Variants in MAGI2 observed in about 807,000 individuals in gnomAD.
MAGI2 encodes the protein membrane-associated guanylate kinase, WW and PDZ domain-containing protein 2.
A neutral mutation model predicts 133.3 loss-of-function variants in MAGI2; 35 were observed. The observed-to-expected ratio is 0.26, with a 90% CI of 0.20 to 0.35. The LOEUF is 0.35. Among genes scored for constraint, MAGI2 ranks in the 10% least tolerant of loss-of-function variants. MAGI2 has a pLI of 1.00. For synonymous variants in MAGI2, 729 were observed against 710.6 expected, an observed-to-expected ratio of 1.03 and a Z score of -0.41; for missense variants, 1,636 against 1,863.4, an observed-to-expected ratio of 0.88 and a Z score of 2.25.
intron 9 of MAGI2, among the ~76,000 whole-genome samples, chr7:78,268,042 T>A (rs887081034): frequency 6.6e-6 from 1 of 152,148 alleles, no homozygotes; most frequent in African/African-American, 2.4e-5. Context: ...TAAATATACA[T>A]GTAGATAGGT....
chr7:78,690,885 C>G (rs1171815626), intron 2 of MAGI2, among the ~76,000 whole-genome samples: 6 of 152,144 alleles, frequency 3.9e-5, no homozygotes, highest in Admixed American at 1.3e-4. Flanking sequence ...AATTCCTTCC[C>G]GATCTTAAAT....
At chr7:78,631,042 C>T (rs143478894) in intron 2 of MAGI2, among the ~76,000 whole-genome samples, 32 of 151,908 alleles carry the variant, frequency 2.1e-4, no homozygotes, top group Middle Eastern at 6.8e-3. Context: ...CTGAGCACAT[C>T]TGTTGGAAGC....
intron 2 of MAGI2, among the ~76,000 whole-genome samples, chr7:78,713,138 C>T (rs1467643323): frequency 2.6e-5 from 4 of 152,138 alleles, no homozygotes; most frequent in South Asian, 2.1e-4. Context: ...ATTTTATAAA[C>T]GTGAAATGTG....
intron 1 of MAGI2, 120 bp downstream of exon 1, chr7:79,452,899 TG>T: frequency 8.9e-7 from 1 of 1,123,024 alleles, no homozygotes; most frequent in Non-Finnish European, 1.2e-6. Context: ...GGGTGCTCTC[TG>T]GCCCCCACCC....
intron 3 of MAGI2, among the ~76,000 whole-genome samples, chr7:78,601,395 A>G (rs2150878827): frequency 6.6e-6 from 1 of 152,288 alleles, no homozygotes; most frequent in Non-Finnish European, 1.5e-5. Flanking sequence ...TTATTTGGTA[A>G]TCACTTGTAA....
chr7:78,681,469 T>C (rs1354871661), intron 2 of MAGI2, among the ~76,000 whole-genome samples: 5 of 152,136 alleles, frequency 3.3e-5, no homozygotes, highest in African/African-American at 1.2e-4. Flanking sequence ...ATAAAACTAA[T>C]AAACTCATTT....
At chr7:78,695,189 C>T (rs1023157553) in intron 2 of MAGI2, among the ~76,000 whole-genome samples, 4 of 152,150 alleles carry the variant, frequency 2.6e-5, no homozygotes, top group African/African-American at 9.7e-5. Context: ...CACACCACTG[C>T]ACTCCAGCCT....
intron 14 of MAGI2, chr7:78,170,412 T>C (rs1318007849): frequency 6.6e-6 from 1 of 152,236 alleles, no homozygotes; most frequent in African/African-American, 2.4e-5. Flanking sequence ...AAAGATCTGC[T>C]TTTCTACCAT....
chr7:78,299,923 A>G (rs1335843279), intron 9 of MAGI2, among the ~76,000 whole-genome samples: 1 of 152,262 alleles, frequency 6.6e-6, no homozygotes, highest in East Asian at 1.9e-4. Flanking sequence ...ACTGCATTTC[A>G]GCATACTAAT....
chr7:78,138,625 T>TCACACACA lies in MAGI2; in HGVS notation c.2846-3427_2846-3420dup, dbSNP rs202115434. 1.1e-3 allele frequency among the ~76,000 whole-genome samples: 142 copies of TCACACACA among 129,472 alleles called. 1 individual carries two copies. Among genetic ancestry groups the TCACACACA allele is most frequent in the East Asian group, 4.6e-3 (20 of 4,370 alleles). The allele number at this position is 129,472 out of a possible 152,430, so 84.9% of individuals were successfully genotyped here. On this transcript the variant is annotated intron_variant, in intron 16 of 21. Transcript: ENST00000354212. ...ATCCCAAATGTTTCAAAACATAGAT[T>TCACACACA]CACACACACACACACACACACACAC...
At chr7:78,286,392 A>T (rs1796145650) in intron 9 of MAGI2, among the ~76,000 whole-genome samples, 1 of 152,134 alleles carries the variant, frequency 6.6e-6, no homozygotes, top group South Asian at 2.1e-4. Context: ...AAATATATGA[A>T]ATATTTTGGG....
rs534934663 is a variant in MAGI2, at chr7:78,565,609, G to A, written c.539-43964C>T. Reference sequence around the variant, plus strand: ...AAAATCACACCATTAAAACACGTAAGATTAAATAAAACATTTGCTTTTCGT... The same window carrying A: ...AAAATCACACCATTAAAACACGTAAAATTAAATAAAACATTTGCTTTTCGT... On this transcript the variant is annotated intron_variant, in intron 3 of 21. Coordinates refer to ENST00000354212, the MANE Select transcript of MAGI2 (RefSeq NM_012301.4). Among the ~76,000 whole-genome samples the A allele has an allele frequency of 3.9e-5, 6 of 152,006 alleles. No homozygotes were observed. The South Asian group carries it at 1.2e-3, about 32-fold the overall frequency.
chr7:78,488,543 A>AAT (rs1554438737), intron 6 of MAGI2, among the ~76,000 whole-genome samples: 1 of 131,992 alleles, frequency 7.6e-6, no homozygotes, highest in Non-Finnish European at 1.6e-5. Flanking sequence ...CACATTTTGT[A>AAT]ACACGTTTCA....
chr7:79,150,914 A>T (rs1400584447), intron 1 of MAGI2, among the ~76,000 whole-genome samples: 1 of 152,142 alleles, frequency 6.6e-6, no homozygotes, highest in Non-Finnish European at 1.5e-5. Flanking sequence ...AAAATAAGTT[A>T]TCTAGTTAAA....
intron 9 of MAGI2, among the ~76,000 whole-genome samples, chr7:78,339,848 GA>G (rs1432469112): frequency 2.0e-5 from 3 of 152,220 alleles, no homozygotes; most frequent in Admixed American, 6.5e-5. Flanking sequence ...AGTTAGTTTT[GA>G]AACTTCATCT....
At chr7:78,430,537 T>G (rs1462203660) in intron 6 of MAGI2, among the ~76,000 whole-genome samples, 1 of 152,064 alleles carries the variant, frequency 6.6e-6, no homozygotes, top group Admixed American at 6.6e-5. Context: ...TATAAACCAT[T>G]TCTTCTGATA....
intron 21 of MAGI2, 56 bp downstream of exon 21, chr7:78,078,891 G>C: frequency 6.3e-7 from 1 of 1,592,062 alleles, no homozygotes; most frequent in Non-Finnish European, 8.6e-7. Flanking sequence ...ATAACCATAA[G>C]CATTTATGGT....
At chr7:79,140,645 A>G (rs1292260060) in intron 1 of MAGI2, among the ~76,000 whole-genome samples, 1 of 152,188 alleles carries the variant, frequency 6.6e-6, no homozygotes, top group South Asian at 2.1e-4. Flanking sequence ...TTTCTTCCAG[A>G]GTCTTCAATC....
intron 9 of MAGI2, among the ~76,000 whole-genome samples, chr7:78,286,942 G>A (rs779885565): frequency 1.3e-5 from 2 of 152,184 alleles, no homozygotes; most frequent in Admixed American, 1.3e-4. Flanking sequence ...CTGAGAGAGT[G>A]AATGTAGCCG....
Sources: allele counts gnomAD v4.1 joint callset (sites outside exome capture counted in the v4.1 genomes callset), GRCh38; gene constraint gnomAD v4.1.1; transcripts MANE v1.5; gene names NCBI Gene and HGNC (gene_info 2026-07-23, HGNC 2026-07-21).